Variants in TUBGCP2 observed in about 807,000 individuals in gnomAD.
The protein encoded by TUBGCP2 is tubulin gamma complex component 2.
TUBGCP2 carries 55 observed loss-of-function variants against 92.2 expected under a neutral mutation model. The observed-to-expected ratio is 0.60, with a 90% confidence interval of 0.48 to 0.75. The LOEUF is 0.75. Among genes scored for constraint, TUBGCP2 ranks in the 30% least tolerant of loss-of-function variants. The probability of loss-of-function intolerance (pLI) is 0.00; values close to 1 mark genes in which losing one functional copy is unlikely to be tolerated. For synonymous variants in TUBGCP2, 533 were observed against 505.2 expected (o/e 1.06, Z -0.74); for missense variants, 1,093 against 1,188.9 (o/e 0.92, Z 1.19).
intron 14 of TUBGCP2, among the ~76,000 whole-genome samples, 156 bp downstream of exon 14, chr10:133,283,723 CGCA>C (rs762043505): frequency 0.74 from 103,972 of 139,658 alleles, 39,130 homozygotes; most frequent in East Asian, 0.93. Context: ...CTGCCTCTCC[CGCA>C]CTCCCTGCCT....
At chr10:133,289,084 T>C in intron 9 of TUBGCP2, 64 bp from the exon 10 acceptor site, 1 of 1,555,520 alleles carries the variant, frequency 6.4e-7, no homozygotes, top group Non-Finnish European at 8.7e-7. Context: ...CAGCTGTCTT[T>C]GTCTACACAG....
Position 133,293,666 on chromosome 10 carries a change from C to A in TUBGCP2, c.720G>T (p.Gly240=). 6.3e-7 allele frequency: 1 copy of A among 1,598,970 alleles called. No homozygotes were observed. The highest frequency in any genetic ancestry group is 8.5e-7 in the Non-Finnish European group (1 of 1,173,570). ...CCACGAGGAAGGTCCGGCTCTGCCT[C>A]CCAGCCAGGGGCTGAGCACTGACGT... ...GRYVSAQPLA[G]RQSRTFLVDP... is the part of the protein sequence containing the mutation. The change falls in exon 6 of 18, where the codon GGG becomes GGT. Residue 240 remains glycine, a synonymous_variant. Transcript: ENST00000252936.
intron 16 of TUBGCP2, among the ~76,000 whole-genome samples, chr10:133,281,982 C>A (rs560091386): frequency 6.6e-6 from 1 of 152,238 alleles, no homozygotes; most frequent in Non-Finnish European, 1.5e-5. Context: ...GCACAGCGCT[C>A]GCTCTGAAGA....
upstream of TUBGCP2, chr10:133,310,117 G>T: frequency 1.2e-6 from 2 of 1,612,246 alleles, no homozygotes; most frequent in Non-Finnish European, 1.7e-6. Flanking sequence ...GCATGGCGGT[G>T]GGGGAGGGCC....
chr10:133,282,392 T>A (rs1367158373), intron 15 of TUBGCP2, 50 bp from the exon 16 acceptor site: 8 of 1,536,090 alleles, frequency 5.2e-6, no homozygotes, highest in Non-Finnish European at 6.1e-6. Flanking sequence ...ACAACCACAA[T>A]GCTTTGCAGA....
chr10:133,289,724 A>G (rs1200322585), intron 9 of TUBGCP2, 100 bp downstream of exon 9: 13 of 1,363,858 alleles, frequency 9.5e-6, no homozygotes, highest in Non-Finnish European at 1.3e-5. Flanking sequence ...GGGCAACCAC[A>G]GGGTGAGGCA....
At chr10:133,300,574 CA>C (rs1589835084) in intron 2 of TUBGCP2, 1 of 154,862 alleles carries the variant, frequency 6.5e-6, no homozygotes, top group Non-Finnish European at 1.4e-5. Flanking sequence ...GACTCTGTCT[CA>C]AAACAAAACA....
chr10:133,299,660 G>A (rs1476408802), intron 3 of TUBGCP2, 57 bp from the exon 4 acceptor site: 5 of 1,453,052 alleles, frequency 3.4e-6, no homozygotes, highest in African/African-American at 1.4e-5. Context: ...TGGCCATAGG[G>A]GGAGAGTAGG....
upstream of TUBGCP2, chr10:133,310,253 G>T (rs146350657): frequency 6.2e-7 from 1 of 1,614,038 alleles, no homozygotes; most frequent in East Asian, 2.2e-5. Context: ...TGTACCCCGC[G>T]GACTTCCGGT....
chr10:133,284,287 C>T (rs888371657), intron 13 of TUBGCP2, among the ~76,000 whole-genome samples: 22 of 152,218 alleles, frequency 1.4e-4, no homozygotes, highest in Non-Finnish European at 2.4e-4. Flanking sequence ...ACGGACCCCT[C>T]GGAGCCCACG....
upstream of TUBGCP2, among the ~76,000 whole-genome samples, chr10:133,310,918 C>G (rs1175388261): frequency 1.3e-5 from 2 of 152,190 alleles, no homozygotes; most frequent in Admixed American, 6.5e-5. Context: ...TCTCCCACTT[C>G]AGCCTCCTAA....
intron 4 of TUBGCP2, 46 bp downstream of exon 4, chr10:133,299,381 G>A: frequency 6.6e-7 from 1 of 1,511,990 alleles, no homozygotes; most frequent in Non-Finnish European, 8.8e-7. Flanking sequence ...CACGGACACA[G>A]GACCTGCTGC....
intron 8 of TUBGCP2, chr10:133,290,213 G>T: frequency 4.1e-6 from 2 of 491,876 alleles, no homozygotes; most frequent in Non-Finnish European, 7.3e-6. Flanking sequence ...CGAACCTAGG[G>T]GCCGGGCACA....
chr10:133,300,111 A>C lies in TUBGCP2; in HGVS notation c.153T>G (p.Val51=), dbSNP rs762544709. ...GAGTACGAGAAAACTCTGCAATTTTAACCTCAAAAGCACAAACATGAGTGA... is the reference window on the plus strand; with the variant it reads ...GAGTACGAGAAAACTCTGCAATTTTCACCTCAAAAGCACAAACATGAGTGA... ...TTTVSAHSAK[V]KIAEFSRTPE... The change falls in exon 3 of 18, where the codon GTT becomes GTG. Residue 51 remains valine, a splice_region_variant and synonymous_variant. Coordinates refer to ENST00000252936, the MANE Select transcript of TUBGCP2 (RefSeq NM_006659.4). The C allele has an allele frequency of 6.2e-7, 1 of 1,613,386 alleles. No individual in the cohort carries two copies. The highest frequency in any genetic ancestry group is 1.3e-5 in the African/African-American group (1 of 74,990).
chr10:133,286,561 G>A (rs1187006007), intron 11 of TUBGCP2, among the ~76,000 whole-genome samples: 14 of 152,128 alleles, frequency 9.2e-5, no homozygotes, highest in East Asian at 3.9e-4. Context: ...CAACAGCACC[G>A]AGGGCGCGTC....
At chr10:133,309,645 TA>T, upstream of TUBGCP2, 1 of 1,295,668 alleles carries the variant, frequency 7.7e-7, no homozygotes, top group Non-Finnish European at 1.1e-6. Flanking sequence ...ACTTAATTCA[TA>T]AAAAGAGGGT....
chr10:133,297,637 G>A (rs1055198629), intron 5 of TUBGCP2, among the ~76,000 whole-genome samples: 1 of 152,232 alleles, frequency 6.6e-6, no homozygotes, highest in Non-Finnish European at 1.5e-5. Context: ...GTCTGCACCA[G>A]GGCACCAGGA....
intron 2 of TUBGCP2, chr10:133,302,444 G>C (rs1468389384): frequency 6.8e-6 from 2 of 296,088 alleles, no homozygotes; most frequent in Non-Finnish European, 1.3e-5. Context: ...CACCAGAGGT[G>C]GCGCTCACCC....
intron 5 of TUBGCP2, among the ~76,000 whole-genome samples, chr10:133,296,651 C>T (rs1222090498): frequency 6.6e-6 from 1 of 152,046 alleles, no homozygotes; most frequent in Non-Finnish European, 1.5e-5. Context: ...CTAATTTTCA[C>T]ATTTTTTGTA....
Sources: allele counts gnomAD v4.1 joint callset (sites outside exome capture counted in the v4.1 genomes callset), GRCh38; gene constraint gnomAD v4.1.1; transcripts MANE v1.5; gene names NCBI Gene and HGNC (gene_info 2026-07-23, HGNC 2026-07-21).